Variants in RERE observed in about 807,000 individuals in gnomAD.
The protein encoded by RERE is arginine-glutamic acid dipeptide repeats.
Under a neutral mutation model 146.1 loss-of-function variants are expected in RERE, and 40 were observed. The observed-to-expected ratio is 0.27, with a 90% CI of 0.21 to 0.36. RERE has a LOEUF of 0.36. RERE is among the 10% of genes least tolerant of loss of function. RERE has a pLI of 1.00. For synonymous variants in RERE, 1,003 were observed against 866.0 expected, an observed-to-expected ratio of 1.16 and a Z score of -2.78; for missense variants, 1,933 against 2,138.7, an observed-to-expected ratio of 0.90 and a Z score of 1.90.
At chr1:8,646,450 T>C (rs1477342466) in intron 2 of RERE, among the ~76,000 whole-genome samples, 1 of 151,928 alleles carries the variant, frequency 6.6e-6, no homozygotes, top group Non-Finnish European at 1.5e-5. Flanking sequence ...GAGGACCACT[T>C]GAGCTCGGGA....
At chr1:8,796,012 G>C (rs547870495) in intron 1 of RERE, among the ~76,000 whole-genome samples, 1 of 148,962 alleles carries the variant, frequency 6.7e-6, no homozygotes, top group Non-Finnish European at 1.5e-5. Context: ...AACAAAACAG[G>C]AATTATGTAG....
chr1:8,630,553 G>A (rs1647023295), intron 2 of RERE, among the ~76,000 whole-genome samples: 1 of 152,168 alleles, frequency 6.6e-6, no homozygotes, highest in Non-Finnish European at 1.5e-5. Flanking sequence ...CTTTTGCTGT[G>A]AGGGGTACTC....
intron 12 of RERE, among the ~76,000 whole-genome samples, chr1:8,412,116 C>T (rs758227317): frequency 1.2e-4 from 18 of 152,170 alleles, no homozygotes; most frequent in Non-Finnish European, 1.9e-4. Flanking sequence ...GATGCTGCTC[C>T]GGCCCCGAAA....
chr1:8,423,758 G>T lies in RERE; in HGVS notation c.1204-951C>A. The T allele has an allele frequency of 2.2e-6, 2 of 910,328 alleles. No homozygotes were observed. Among genetic ancestry groups the T allele is most frequent in the Non-Finnish European group, 2.6e-6 (2 of 764,354 alleles). 56.4% of individuals were successfully genotyped at this position (910,328 alleles called of 1,614,324 possible). ...CGGGGCCCGGGGGGCGCGGGGCTGG[G>T]GCCGCCGCTGACGGGGGAGGAGGCA... On this transcript the variant is annotated intron_variant, in intron 11 of 22. Coordinates refer to ENST00000400908, the MANE Select transcript of RERE (RefSeq NM_001042681.2). This position sits in a 1 kb window ranked among gnomAD's most constrained non-coding sequence, Gnocchi z 5.4.
intron 10 of RERE, among the ~76,000 whole-genome samples, chr1:8,482,681 C>CAAAA (rs35501735): frequency 2.0e-4 from 10 of 51,204 alleles, no homozygotes; most frequent in East Asian, 6.8e-4. Context: ...GATTCTGTTG[C>CAAAA]AAAAAAAAAA....
intron 1 of RERE, chr1:8,792,545 C>G (rs1168441018): frequency 6.6e-6 from 1 of 152,216 alleles, no homozygotes; most frequent in Non-Finnish European, 1.5e-5. Flanking sequence ...GTGGTTGTGA[C>G]CCGGTGCTGA....
intron 2 of RERE, among the ~76,000 whole-genome samples, chr1:8,648,398 A>G (rs1299494712): frequency 6.6e-6 from 1 of 152,090 alleles, no homozygotes; most frequent in Non-Finnish European, 1.5e-5. Flanking sequence ...AGCCCGGCTA[A>G]CTTTTGTATT....
intron 1 of RERE, among the ~76,000 whole-genome samples, chr1:8,725,713 A>G (rs988639001): frequency 1.3e-5 from 2 of 152,198 alleles, no homozygotes; most frequent in South Asian, 4.1e-4. Context: ...TTAGGCTTCA[A>G]AACAGTTCTT....
intron 12 of RERE, among the ~76,000 whole-genome samples, chr1:8,410,431 T>C (rs984765403): frequency 6.6e-6 from 1 of 152,158 alleles, no homozygotes; most frequent in African/African-American, 2.4e-5. Context: ...GAAGACGTTA[T>C]GGCAAGAATC....
chr1:8,791,246 C>T (rs2124574914), intron 1 of RERE, among the ~76,000 whole-genome samples: 2 of 152,310 alleles, frequency 1.3e-5, no homozygotes, highest in East Asian at 3.9e-4. Flanking sequence ...TCCCTAAGTG[C>T]TATGCAAATG....
At chr1:8,633,181 A>G (rs1647054152) in intron 2 of RERE, among the ~76,000 whole-genome samples, 1 of 152,148 alleles carries the variant, frequency 6.6e-6, no homozygotes, top group Non-Finnish European at 1.5e-5. Context: ...ACACATTGGG[A>G]GGTGGAGGCA....
Position 8,590,411 on chromosome 1 carries a change from A to T in RERE, c.522+24150T>A, listed in dbSNP as rs147553134. Among the ~76,000 whole-genome samples, 5 of 152,312 alleles carry T rather than the reference A, an allele frequency of 3.3e-5. No individual in the cohort carries two copies. The East Asian group carries it at 9.6e-4, about 29-fold the overall frequency. ...ACTATGGACCACAGAGAATGTCAGAAATGTTTAAAACTGTTTTCTCCCTCA... is the reference window on the plus strand; with the variant it reads ...ACTATGGACCACAGAGAATGTCAGATATGTTTAAAACTGTTTTCTCCCTCA... On this transcript the variant is annotated intron_variant, in intron 4 of 22. Coordinates refer to ENST00000400908, the MANE Select transcript of RERE (RefSeq NM_001042681.2).
chr1:8,468,525 T>C (rs575691800), intron 10 of RERE, among the ~76,000 whole-genome samples: 74 of 152,348 alleles, frequency 4.9e-4, no homozygotes, highest in African/African-American at 1.7e-3. Context: ...TCATAAATTT[T>C]TAATGAAAAG....
chr1:8,619,351 C>G (rs1646891724), intron 3 of RERE, among the ~76,000 whole-genome samples: 1 of 152,150 alleles, frequency 6.6e-6, no homozygotes, highest in Non-Finnish European at 1.5e-5. Context: ...GGACAATTTT[C>G]CAAGTTTTAA....
intron 2 of RERE, among the ~76,000 whole-genome samples, chr1:8,632,832 G>A (rs1259933524): frequency 6.6e-6 from 1 of 152,106 alleles, no homozygotes; most frequent in African/African-American, 2.4e-5. Flanking sequence ...TAGAAAGTTA[G>A]GACTTAAATA....
At chr1:8,521,505 A>T (rs1185079235) in intron 7 of RERE, among the ~76,000 whole-genome samples, 1 of 152,162 alleles carries the variant, frequency 6.6e-6, no homozygotes, top group African/African-American at 2.4e-5. Context: ...ATTTAAAAAT[A>T]TATGTTGTTG....
At chr1:8,745,055 T>C (rs1329245679) in intron 1 of RERE, among the ~76,000 whole-genome samples, 2 of 152,170 alleles carry the variant, frequency 1.3e-5, no homozygotes, top group African/African-American at 4.8e-5. Context: ...GTGACTTCCA[T>C]GGTGATTTGG....
intron 1 of RERE, among the ~76,000 whole-genome samples, chr1:8,679,090 C>T (rs1638908087): frequency 6.6e-6 from 1 of 152,216 alleles, no homozygotes; most frequent in South Asian, 2.1e-4. Context: ...TTTCCATTGC[C>T]ACTGAAAGTT....
intron 12 of RERE, among the ~76,000 whole-genome samples, chr1:8,399,457 G>A (rs766928486): frequency 3.3e-5 from 5 of 152,030 alleles, no homozygotes; most frequent in East Asian, 1.9e-4. Context: ...AGTTCCCCAC[G>A]GATATCACAT....
Sources: allele counts gnomAD v4.1 joint callset (sites outside exome capture counted in the v4.1 genomes callset), GRCh38; gene constraint gnomAD v4.1.1; non-coding constraint Gnocchi (gnomAD v3.1); transcripts MANE v1.5; gene names NCBI Gene and HGNC (gene_info 2026-07-23, HGNC 2026-07-21).